PSD3: variants seen among roughly 807,000 people sequenced by gnomAD.
PSD3 encodes the protein pleckstrin and Sec7 domain containing 3.
A neutral mutation model predicts 105.5 loss-of-function variants in PSD3; 49 were observed. That is an observed-to-expected ratio of 0.46 (90% CI 0.37 to 0.59). The LOEUF is 0.59. PSD3 is among the 20% of genes least tolerant of loss of function. The pLI is 0.00. For synonymous variants in PSD3, 557 were observed against 457.8 expected, an observed-to-expected ratio of 1.22 and a Z score of -2.77; for missense variants, 1,561 against 1,263.8, an observed-to-expected ratio of 1.24 and a Z score of -3.57.
At chr8:18,865,177 G>T (rs1362268680) in intron 4 of PSD3, 23 of 132,280 alleles carry the variant, frequency 1.7e-4, no homozygotes, top group African/African-American at 6.1e-4. Context: ...AGACAGCCAC[G>T]TGGCTTTGGG....
At chr8:18,841,101 A>G (rs573659110) in intron 4 of PSD3, among the ~76,000 whole-genome samples, 13 of 152,368 alleles carry the variant, frequency 8.5e-5, no homozygotes, top group African/African-American at 3.1e-4. Flanking sequence ...CAGTTGGGTA[A>G]AAATCAAGTT....
At chr8:18,843,257 A>T (rs954675548) in intron 4 of PSD3, among the ~76,000 whole-genome samples, 5 of 150,692 alleles carry the variant, frequency 3.3e-5, no homozygotes, top group Non-Finnish European at 5.9e-5. Flanking sequence ...GCTATTCGGG[A>T]GGCTGAGGCA....
At chr8:18,977,253 C>G (rs1417589754) in intron 1 of PSD3, among the ~76,000 whole-genome samples, 1 of 101,008 alleles carries the variant, frequency 9.9e-6, no homozygotes, top group Admixed American at 1.2e-4. Flanking sequence ...GAACAACACC[C>G]TATCTCAAAA....
intron 9 of PSD3, among the ~76,000 whole-genome samples, chr8:18,709,916 A>C (rs1283838059): frequency 6.6e-6 from 1 of 152,196 alleles, no homozygotes; most frequent in African/African-American, 2.4e-5. Flanking sequence ...GAAAATTAAA[A>C]AGAAATAGGG....
chr8:18,578,758 C>T (rs555673821), intron 12 of PSD3, among the ~76,000 whole-genome samples: 1 of 151,664 alleles, frequency 6.6e-6, no homozygotes, highest in South Asian at 2.1e-4. Context: ...TTTAATGCTA[C>T]ATTTATTACA....
intron 9 of PSD3, among the ~76,000 whole-genome samples, chr8:18,691,879 C>T (rs1800991223): frequency 1.3e-5 from 2 of 152,156 alleles, no homozygotes; most frequent in Admixed American, 6.5e-5. Flanking sequence ...ACCCTAGGTG[C>T]ATTTTTTCTA....
intron 12 of PSD3, among the ~76,000 whole-genome samples, chr8:18,575,831 T>C (rs1269052899): frequency 2.0e-5 from 3 of 152,218 alleles, no homozygotes; most frequent in Admixed American, 6.5e-5. Flanking sequence ...ACTCCAGCTC[T>C]TCTGCTGAAA....
intron 2 of PSD3, among the ~76,000 whole-genome samples, chr8:18,910,101 G>C (rs1820107101): frequency 1.3e-5 from 2 of 152,118 alleles, no homozygotes; most frequent in African/African-American, 4.8e-5. Flanking sequence ...CCAATGGAAA[G>C]GAACTTGTAT....
chr8:18,809,470 T>G (rs529641087), intron 4 of PSD3, among the ~76,000 whole-genome samples: 11 of 152,182 alleles, frequency 7.2e-5, no homozygotes, highest in African/African-American at 2.7e-4. Context: ...ATACTAAGAT[T>G]GGCAGATTTT....
At chr8:18,636,422 T>C (rs1313916390) in intron 10 of PSD3, among the ~76,000 whole-genome samples, 1 of 152,168 alleles carries the variant, frequency 6.6e-6, no homozygotes, top group African/African-American at 2.4e-5. Context: ...AATAACGAGT[T>C]TATGAAGTAA....
chr8:18,721,537 T>G (rs1276430296), intron 9 of PSD3, among the ~76,000 whole-genome samples: 1 of 152,198 alleles, frequency 6.6e-6, no homozygotes, highest in Non-Finnish European at 1.5e-5. Context: ...ATGCAATGTC[T>G]CATTTTATAC....
In PSD3 at chr8:18,573,814, C is replaced by A. The variant is rs147909542; in HGVS notation, c.2640-1142G>T. 2.0e-4 allele frequency among the ~76,000 whole-genome samples: 30 copies of A among 152,168 alleles called. No homozygotes were observed. In the East Asian group the frequency reaches 5.4e-3, roughly 27 times the overall value. Reference sequence around the variant, plus strand: ...TGAGAATGGCAGTGACTACAAAATGCGCACGGGGATCTCTTTGGAGTGATG... The same window carrying A: ...TGAGAATGGCAGTGACTACAAAATGAGCACGGGGATCTCTTTGGAGTGATG... On this transcript the variant is annotated intron_variant, in intron 13 of 15. Coordinates refer to ENST00000327040, the MANE Select transcript of PSD3 (RefSeq NM_015310.4).
At chr8:18,943,113 C>T (rs1176225041) in intron 1 of PSD3, among the ~76,000 whole-genome samples, 3 of 152,194 alleles carry the variant, frequency 2.0e-5, no homozygotes, top group Admixed American at 6.5e-5. Flanking sequence ...TTCAAAGAAG[C>T]TGCCTGGGTA....
chr8:18,986,929 G>A (rs548418136), intron 1 of PSD3, among the ~76,000 whole-genome samples: 1 of 152,038 alleles, frequency 6.6e-6, no homozygotes, highest in Non-Finnish European at 1.5e-5. Context: ...TTTATGCTTA[G>A]TGTTCCATTA....
intron 1 of PSD3, among the ~76,000 whole-genome samples, chr8:18,943,287 GGAAAAA>G: frequency 6.6e-6 from 1 of 152,034 alleles, no homozygotes; most frequent in Non-Finnish European, 1.5e-5. Flanking sequence ...AGTGTAAAAA[GGAAAAA>G]GAAAAAGTTT....
chr8:19,054,202 A>G (rs1828631699), intron 1 of PSD3, among the ~76,000 whole-genome samples: 1 of 152,156 alleles, frequency 6.6e-6, no homozygotes, highest in Non-Finnish European at 1.5e-5. Context: ...TAAGTGAGGG[A>G]GGCTAGCCCC....
At chr8:18,808,933 C>A in intron 4 of PSD3, 5 of 1,472,946 alleles carry the variant, frequency 3.4e-6, no homozygotes, top group Non-Finnish European at 4.5e-6. Context: ...ACCTCACATT[C>A]TCAGCCGAGT....
At chr8:18,850,266 A>G (rs1189253184) in intron 4 of PSD3, among the ~76,000 whole-genome samples, 1 of 152,196 alleles carries the variant, frequency 6.6e-6, no homozygotes, top group African/African-American at 2.4e-5. Flanking sequence ...AAAGATATTC[A>G]TTCTCCATGT....
chr8:18,641,467 T>C (rs1414834079), intron 10 of PSD3, among the ~76,000 whole-genome samples: 1 of 152,168 alleles, frequency 6.6e-6, no homozygotes, highest in East Asian at 1.9e-4. Context: ...AAATACTATA[T>C]GTCTCCACAG....
Sources: gnomAD v4.1 joint callset for allele counts (sites outside exome capture counted in the v4.1 genomes callset) on GRCh38, gnomAD v4.1.1 for gene constraint, MANE v1.5 for transcripts, NCBI Gene and HGNC (gene_info 2026-07-23, HGNC 2026-07-21) for gene names.